EML1: variants seen among roughly 807,000 people sequenced by gnomAD.
EML1 encodes EMAP like 1, also known as echinoderm microtubule-associated protein-like 1.
In EML1, 27 loss-of-function variants were observed where a neutral mutation model predicts 110.4. The observed-to-expected ratio is 0.24, with a 90% CI of 0.18 to 0.34. EML1 has a LOEUF of 0.34. EML1 is among the 10% of genes least tolerant of loss of function. EML1 has a pLI of 1.00. For missense variants in EML1, 741 were observed against 1,030.9 expected (o/e 0.72, Z 3.85); for synonymous variants, 344 against 385.8 (o/e 0.89, Z 1.27).
At chr14:99,793,148 C>T (rs1201486111), upstream of EML1, among the ~76,000 whole-genome samples, 1 of 148,802 alleles carries the variant, frequency 6.7e-6, no homozygotes, top group Non-Finnish European at 1.5e-5. Context: ...AGACGCGCCC[C>T]TGCGGCTCCC....
At chr14:99,830,546 C>CTTTTTGTTT (rs149210212) in intron 1 of EML1, among the ~76,000 whole-genome samples, 9,362 of 151,162 alleles carry the variant, frequency 0.062, 452 homozygotes, top group African/African-American at 0.13. Context: ...CATGTTTTGC[C>CTTTTTGTTT]TTTTTGTTTT....
chr14:99,788,519 G>A (rs2057625042), upstream of EML1, among the ~76,000 whole-genome samples: 1 of 152,170 alleles, frequency 6.6e-6, no homozygotes, highest in Non-Finnish European at 1.5e-5. Flanking sequence ...TGAGGAGGGA[G>A]GATCGTTTGA....
chr14:99,769,470 T>C (rs1397618531), upstream of EML1, among the ~76,000 whole-genome samples: 2 of 152,222 alleles, frequency 1.3e-5, no homozygotes, highest in Non-Finnish European at 2.9e-5. Flanking sequence ...TCCCCCACAG[T>C]GGGCAGGGAC....
At chr14:99,851,686 GGTT>G (rs1204095981) in intron 2 of EML1, among the ~76,000 whole-genome samples, 1 of 152,140 alleles carries the variant, frequency 6.6e-6, no homozygotes, top group Admixed American at 6.5e-5. Flanking sequence ...CACTTTTGGA[GGTT>G]GTTCTACCTA....
intron 1 of EML1, among the ~76,000 whole-genome samples, chr14:99,794,478 A>G (rs1021537680): frequency 9.9e-5 from 15 of 152,188 alleles, no homozygotes; most frequent in Non-Finnish European, 2.1e-4. Context: ...CCCTTTGACA[A>G]CTGGAGCAAT....
chr14:99,933,577 C>T (rs922784336), intron 17 of EML1, among the ~76,000 whole-genome samples: 5 of 152,206 alleles, frequency 3.3e-5, no homozygotes, highest in African/African-American at 7.2e-5. Context: ...TAAAGCTGGT[C>T]GGAGGGGCAG....
At chr14:99,861,072 G>A (rs1188955924) in intron 2 of EML1, among the ~76,000 whole-genome samples, 1 of 152,202 alleles carries the variant, frequency 6.6e-6, no homozygotes, top group Non-Finnish European at 1.5e-5. Flanking sequence ...AAGAAAGAAT[G>A]AACAACTTAG....
At chr14:99,815,383 T>C (rs2058150594) in intron 1 of EML1, among the ~76,000 whole-genome samples, 1 of 152,070 alleles carries the variant, frequency 6.6e-6, no homozygotes, top group Admixed American at 6.6e-5. Flanking sequence ...CCTTGTGATC[T>C]GCTCGCCTCG....
chr14:99,828,030 A>C (rs1017464489), intron 1 of EML1, among the ~76,000 whole-genome samples: 1 of 152,186 alleles, frequency 6.6e-6, no homozygotes, highest in African/African-American at 2.4e-5. Context: ...AGGTCATTTC[A>C]TAGATGTTTG....
intron 1 of EML1, among the ~76,000 whole-genome samples, chr14:99,842,304 GT>G (rs2139807488): frequency 6.6e-6 from 1 of 152,318 alleles, no homozygotes; most frequent in East Asian, 1.9e-4. Context: ...ATGCTAATCA[GT>G]TTTTCCCCCA....
At chr14:99,876,025 G>A (rs1040108738) in intron 3 of EML1, among the ~76,000 whole-genome samples, 1 of 152,202 alleles carries the variant, frequency 6.6e-6, no homozygotes, top group Non-Finnish European at 1.5e-5. Flanking sequence ...TTCAAAGCCA[G>A]CATACCATGA....
intron 17 of EML1, among the ~76,000 whole-genome samples, chr14:99,923,732 A>G (rs1042116790): frequency 3.2e-5 from 3 of 92,562 alleles, no homozygotes; most frequent in Middle Eastern, 0.01. Context: ...TGTTTTTTTC[A>G]AAATAGTGTT....
chr14:99,857,806 T>G (rs2058930399), intron 2 of EML1, among the ~76,000 whole-genome samples: 2 of 152,346 alleles, frequency 1.3e-5, no homozygotes, highest in South Asian at 4.1e-4. Context: ...GTTTATCCAT[T>G]TATCAGGCAA....
chr14:99,828,577 A>G (rs2058398249), intron 1 of EML1, among the ~76,000 whole-genome samples: 1 of 152,182 alleles, frequency 6.6e-6, no homozygotes. Context: ...TGAATTAAAC[A>G]TCATCATAGG....
chr14:99,783,698 T>G (rs2057568170), intron 1 of EML1, among the ~76,000 whole-genome samples: 1 of 152,164 alleles, frequency 6.6e-6, no homozygotes, highest in Non-Finnish European at 1.5e-5. Context: ...TTGGCCAGGA[T>G]GGTCTCGATC....
intron 15 of EML1, among the ~76,000 whole-genome samples, chr14:99,915,909 C>T (rs2060026627): frequency 6.6e-6 from 1 of 152,160 alleles, no homozygotes; most frequent in Non-Finnish European, 1.5e-5. Flanking sequence ...GTTTTGGCTC[C>T]CTTCCCTTCA....
chr14:99,769,486 C>G (rs570906010), upstream of EML1, among the ~76,000 whole-genome samples: 2 of 152,298 alleles, frequency 1.3e-5, no homozygotes, highest in East Asian at 3.9e-4. Flanking sequence ...GGGACGCAAG[C>G]TCCTCTCCAT....
At chr14:99,843,886 C>G (rs969478634) in intron 1 of EML1, among the ~76,000 whole-genome samples, 2 of 152,210 alleles carry the variant, frequency 1.3e-5, no homozygotes, top group African/African-American at 4.8e-5. Context: ...GAAGATTTCA[C>G]TGAACTGTTT....
chr14:99,739,104 C>CTGTG (rs2057008001), intron 1 of EML1, among the ~76,000 whole-genome samples: 1 of 52,870 alleles, frequency 1.9e-5, no homozygotes, highest in South Asian at 8.4e-4. Flanking sequence ...GAGAGAGAGA[C>CTGTG]AGAGAGAGAG....
Sources: allele counts gnomAD v4.1 joint callset (sites outside exome capture counted in the v4.1 genomes callset), GRCh38; gene constraint gnomAD v4.1.1; transcripts MANE v1.5; gene names NCBI Gene and HGNC (gene_info 2026-07-23, HGNC 2026-07-21).